The following VGLL3 variants were observed in gnomAD, a reference collection of about 807,000 sequenced individuals.
The protein encoded by VGLL3 is vestigial like family member 3, also known as transcription cofactor vestigial-like protein 3.
Under a neutral mutation model 29.2 loss-of-function variants are expected in VGLL3, and 18 were observed. The observed-to-expected ratio is 0.62, with a 90% confidence interval of 0.43 to 0.91. The LOEUF (loss-of-function observed/expected upper bound fraction) is 0.91, where lower values mean the gene tolerates loss of function less well. Among genes scored for constraint, VGLL3 ranks in the 40% least tolerant of loss-of-function variants. The pLI is 0.00. For missense variants in VGLL3, 440 were observed against 413.2 expected, an observed-to-expected ratio of 1.06 and a Z score of -0.56; for synonymous variants, 180 against 151.8, an observed-to-expected ratio of 1.19 and a Z score of -1.36.
At chr3:86,985,680 G>C (rs1360631522) in intron 1 of VGLL3, among the ~76,000 whole-genome samples, 2 of 152,180 alleles carry the variant, frequency 1.3e-5, no homozygotes, top group African/African-American at 4.8e-5. Flanking sequence ...GATGTGTTTT[G>C]AAAGGTTCAG....
At chr3:86,976,958 T>A (rs1468853357) in intron 2 of VGLL3, among the ~76,000 whole-genome samples, 1 of 152,204 alleles carries the variant, frequency 6.6e-6, no homozygotes, top group African/African-American at 2.4e-5. Context: ...CTCTACAAAT[T>A]ATTAAAATTA....
At chr3:86,983,839 C>T (rs1355894411) in intron 1 of VGLL3, among the ~76,000 whole-genome samples, 1 of 152,196 alleles carries the variant, frequency 6.6e-6, no homozygotes, top group Admixed American at 6.5e-5. Flanking sequence ...CTCACATACA[C>T]ATATTTTGTC....
At position 86,975,651 on chromosome 3, in the gene VGLL3, C is replaced by A. The variant is rs369985317; in HGVS notation, c.403+2875G>T. Among the ~76,000 whole-genome samples, 3 of 152,260 alleles carry A rather than the reference C, an allele frequency of 2.0e-5. No homozygotes were observed. The East Asian group carries it at 5.8e-4, about 29-fold the overall frequency. ...AGTCACTTAATCATTCAATGCATAT[C>A]TATTTCAGATTTTCCACATAGAAAC... On this transcript the variant is annotated intron_variant, in intron 2 of 3. Transcript: ENST00000398399.
At chr3:86,988,791 A>G (rs961333720) in intron 1 of VGLL3, among the ~76,000 whole-genome samples, 4 of 145,120 alleles carry the variant, frequency 2.8e-5, no homozygotes, top group African/African-American at 9.9e-5. Context: ...TGTCTACAAA[A>G]GCCCAAAATA....
chr3:86,951,892 A>G (rs1704625715), intron 3 of VGLL3, among the ~76,000 whole-genome samples: 1 of 152,184 alleles, frequency 6.6e-6, no homozygotes, highest in South Asian at 2.1e-4. Context: ...CAGGGATCAC[A>G]AACACTGGGA....
rs1052415818 is a variant in VGLL3 at position 86,946,854 on chromosome 3, G to A, written c.*170C>T. ...AAAAATGCTTTTCTTCAATGTCTGG[G>A]ACCCACTTTGCTTTCTCAAGAAAGG... On this transcript the variant is annotated 3_prime_UTR_variant, in exon 4 of 4. Coordinates refer to ENST00000398399, the MANE Select transcript of VGLL3 (RefSeq NM_016206.4). The A allele has an allele frequency of 2.5e-5, 14 of 571,418 alleles. No individual in the cohort carries two copies. The highest frequency in any genetic ancestry group is 2.2e-4 in the Admixed American group (7 of 31,156). 35.4% of individuals were successfully genotyped at this position (571,418 alleles called of 1,614,324 possible).
At chr3:86,988,841 T>C (rs1177907983) in intron 1 of VGLL3, among the ~76,000 whole-genome samples, 1 of 151,796 alleles carries the variant, frequency 6.6e-6, no homozygotes, top group Non-Finnish European at 1.5e-5. Context: ...TGTAGATAAA[T>C]TGTTTTCTTT....
rs938360254 is a variant in VGLL3 at position 86,991,068 on chromosome 3, C to T, written c.-325G>A. On this transcript the variant is annotated 5_prime_UTR_variant, in exon 1 of 4. Transcript: ENST00000398399. ...CGTCCGGCTCCCGCGAGGGCTGCGG[C>T]GCCCACGGCAGCGCCAGTCACAGCC... 3 of 444,364 alleles carry T rather than the reference C, an allele frequency of 6.8e-6. No individual in the cohort carries two copies. The highest frequency in any genetic ancestry group is 4.3e-5 in the African/African-American group (2 of 46,896). The allele number at this position is 444,364 out of a possible 1,614,324, so 27.5% of individuals were successfully genotyped here.
chr3:86,972,882 A>T (rs1217227674), intron 2 of VGLL3, among the ~76,000 whole-genome samples: 1 of 151,780 alleles, frequency 6.6e-6, no homozygotes, highest in African/African-American at 2.4e-5. Context: ...TCACACATAC[A>T]TACACACGAG....
intron 1 of VGLL3, among the ~76,000 whole-genome samples, chr3:86,981,707 A>C (rs1705327610): frequency 6.6e-6 from 1 of 152,160 alleles, no homozygotes; most frequent in South Asian, 2.1e-4. Flanking sequence ...AACAAATAAA[A>C]TGAAAAAAGC....
chr3:86,962,806 A>G (rs1408043463), intron 3 of VGLL3: 1 of 269,782 alleles, frequency 3.7e-6, no homozygotes, highest in Non-Finnish European at 5.7e-6. Flanking sequence ...TCACGAGGTC[A>G]GGAGTTTGAG....
intron 3 of VGLL3, among the ~76,000 whole-genome samples, chr3:86,956,327 C>T (rs559143185): frequency 3.3e-5 from 5 of 152,296 alleles, no homozygotes; most frequent in African/African-American, 1.2e-4. Context: ...GGACAACCTG[C>T]GAGTTATGGC....
chr3:86,975,975 A>C (rs567270846), intron 2 of VGLL3, among the ~76,000 whole-genome samples: 1 of 152,164 alleles, frequency 6.6e-6, no homozygotes, highest in African/African-American at 2.4e-5. Flanking sequence ...TTAGCTGGGC[A>C]TGGTGGAGGG....
Position 86,968,606 on chromosome 3 carries a change from G to A in VGLL3, c.921C>T (p.Ser307=), listed in dbSNP as rs377115740. The A allele has an allele frequency of 1.5e-5, 24 of 1,613,454 alleles. No homozygotes were observed. In the South Asian group the frequency reaches 1.8e-4, roughly 12 times the overall value. ...GCAGCTTACCTGTATCGAATCCCACGCTGGGCACTATGTCTACTGTTCCAT... is the reference window on the plus strand; with the variant it reads ...GCAGCTTACCTGTATCGAATCCCACACTGGGCACTATGTCTACTGTTCCAT... The part of the protein sequence containing the change: ...AFHGTVDIVP[S]VGFDTGLQHQ... The change falls in exon 3 of 4, where the codon AGC becomes AGT. Residue 307 remains serine (S), a synonymous_variant. Coordinates refer to ENST00000398399, the MANE Select transcript of VGLL3 (RefSeq NM_016206.4).
Position 86,969,004 on chromosome 3 carries a change from G to C in VGLL3, c.523C>G (p.Pro175Ala). 1 of 1,614,150 alleles carries C rather than the reference G, an allele frequency of 6.2e-7. No homozygotes were observed. The highest frequency in any genetic ancestry group is 1.1e-5 in the South Asian group (1 of 91,068). ...GVHPDFQVTG[P>A]PGTFSAADPS... ...TCAGCTGCAGAAAAGGTGCCAGGGG[G>C]TCCAGTGACCTGGAAGTCAGGATGA... Residue 175 changes from proline (P) to alanine (A), a missense_variant, in exon 3 of 4, where the codon CCC becomes GCC. Pro to Ala is a conservative substitution (Grantham distance 27). Transcript: ENST00000398399.
rs1705550352 is a variant in VGLL3, at chr3:86,990,252, C to T, written c.126+366G>A. On this transcript the variant is annotated intron_variant, in intron 1 of 3. Transcript: ENST00000398399. ...TCATCAATAAAACCCTGAAACATTC[C>T]ATCTTTCCAAATAAACAAAATAGTT... 3 of 954,472 alleles carry T rather than the reference C, an allele frequency of 3.1e-6. No homozygotes were observed. In the South Asian group the frequency reaches 1.5e-4, roughly 46 times the overall value. The allele number at this position is 954,472 out of a possible 1,614,324, so 59.1% of individuals were successfully genotyped here. A position where few individuals can be genotyped will look rare whatever the true frequency, so the allele number is the denominator to read the frequency against.
intron 3 of VGLL3, among the ~76,000 whole-genome samples, chr3:86,960,941 A>G (rs1048324275): frequency 3.3e-5 from 1 of 30,350 alleles, no homozygotes; most frequent in African/African-American, 4.7e-5. Context: ...TGATATATAT[A>G]TATATATATA....
chr3:86,964,505 C>A (rs930531300), intron 3 of VGLL3, among the ~76,000 whole-genome samples: 3 of 152,148 alleles, frequency 2.0e-5, no homozygotes, highest in African/African-American at 7.2e-5. Context: ...ATGTTTATGA[C>A]TCCCCTCCAA....
chr3:86,961,985 A>G lies in VGLL3; in HGVS notation c.937+6605T>C, dbSNP rs555300064. On this transcript the variant is annotated intron_variant, in intron 3 of 3. Transcript: ENST00000398399. ...GGGAACTGTGATCTCTAAGAGGTAT[A>G]TGGTAGGCAATGTAAATAAATTCAT... is the stretch of plus-strand genomic sequence containing the variant. 17 of 982,180 alleles carry G rather than the reference A, an allele frequency of 1.7e-5. No individual in the cohort carries two copies. In the African/African-American group the frequency reaches 2.8e-4, roughly 16 times the overall value. 60.8% of individuals were successfully genotyped at this position (982,180 alleles called of 1,614,324 possible).
Sources: allele counts gnomAD v4.1 joint callset (sites outside exome capture counted in the v4.1 genomes callset), GRCh38; gene constraint gnomAD v4.1.1; transcripts MANE v1.5; gene names NCBI Gene and HGNC (gene_info 2026-07-23, HGNC 2026-07-21).